The following KDM4D variants were observed in gnomAD, a reference collection of about 807,000 sequenced individuals.
The protein encoded by KDM4D is lysine demethylase 4D.
For synonymous variants in KDM4D, 254 were observed against 249.1 expected, an observed-to-expected ratio of 1.02 and a Z score of -0.19; for missense variants, 427 against 674.8, an observed-to-expected ratio of 0.63 and a Z score of 4.07.
intron 2 of KDM4D, among the ~76,000 whole-genome samples, chr11:94,978,792 CA>C (rs1453887256): frequency 6.6e-6 from 1 of 152,104 alleles, no homozygotes. Context: ...TGTTAGTTAG[CA>C]AAAGTATTCT....
intron 2 of KDM4D, among the ~76,000 whole-genome samples, chr11:94,986,689 G>A (rs1205182063): frequency 6.6e-6 from 1 of 152,196 alleles, no homozygotes; most frequent in Non-Finnish European, 1.5e-5. Flanking sequence ...TGATGTGGAT[G>A]TTGAGAAATT....
chr11:94,991,395 A>G (rs1857933327), intron 2 of KDM4D, among the ~76,000 whole-genome samples: 1 of 152,266 alleles, frequency 6.6e-6, no homozygotes, highest in Non-Finnish European at 1.5e-5. Context: ...ACAAAAGTCA[A>G]TTTCAAAGAA....
intron 2 of KDM4D, among the ~76,000 whole-genome samples, chr11:94,991,274 T>G (rs1465693481): frequency 1.3e-5 from 2 of 152,202 alleles, no homozygotes; most frequent in African/African-American, 4.8e-5. Context: ...ATCTGCCTTT[T>G]TTGTGCTGTA....
chr11:94,980,294 T>C (rs12786843), intron 2 of KDM4D, among the ~76,000 whole-genome samples: 5,422 of 152,276 alleles, frequency 0.036, 139 homozygotes, highest in Non-Finnish European at 0.052. Flanking sequence ...TTCATTTTTG[T>C]GCGTGGCATG....
rs1215245527 is a variant in KDM4D at position 94,997,687 on chromosome 11, A to G, written c.315A>G (p.Ala105=). The G allele has an allele frequency of 1.1e-5, 18 of 1,614,132 alleles. No individual in the cohort carries two copies. Among genetic ancestry groups the G allele is most frequent in the Admixed American group, 1.7e-5 (1 of 60,010 alleles). ...AMTVGEYRHL[A]NSKKYQTPPH... ...CTGTGGGGGAGTATCGCCATTTGGC[A>G]AACAGTAAAAAATATCAGACTCCAC... The change falls in exon 3 of 3, where the codon GCA becomes GCG. Residue 105 remains alanine (A), a synonymous_variant. Coordinates refer to ENST00000335080, the MANE Select transcript of KDM4D (RefSeq NM_018039.3).
At chr11:94,990,944 AT>A (rs587729440) in intron 2 of KDM4D, among the ~76,000 whole-genome samples, 1 of 152,206 alleles carries the variant, frequency 6.6e-6, no homozygotes, top group African/African-American at 2.4e-5. Context: ...ATTGAGCTTC[AT>A]TTTTTCTAGA....
intron 1 of KDM4D, among the ~76,000 whole-genome samples, chr11:94,975,124 A>G (rs1555096839): frequency 6.6e-6 from 1 of 152,136 alleles, no homozygotes. Context: ...GATTCCTTCT[A>G]TTTTAGGGCC....
intron 2 of KDM4D, among the ~76,000 whole-genome samples, chr11:94,976,289 A>T (rs1325050583): frequency 6.6e-6 from 1 of 151,944 alleles, no homozygotes; most frequent in Non-Finnish European, 1.5e-5. Flanking sequence ...AATTTCCCAC[A>T]TTCCCCTTTC....
At chr11:94,990,209 T>C (rs1555098509) in intron 2 of KDM4D, among the ~76,000 whole-genome samples, 2 of 152,230 alleles carry the variant, frequency 1.3e-5, no homozygotes, top group Non-Finnish European at 2.9e-5. Context: ...TGAAAGCTGC[T>C]TGTCAAGTAA....
chr11:94,991,333 G>A (rs1320129333), intron 2 of KDM4D, among the ~76,000 whole-genome samples: 2 of 151,902 alleles, frequency 1.3e-5, no homozygotes, highest in African/African-American at 4.8e-5. Context: ...TGTGAGGAAA[G>A]CCTTAAATAT....
At chr11:94,979,980 G>C (rs981566010) in intron 2 of KDM4D, among the ~76,000 whole-genome samples, 3 of 152,118 alleles carry the variant, frequency 2.0e-5, no homozygotes, top group Non-Finnish European at 4.4e-5. Context: ...CATGTTAATT[G>C]TCCATTTGGA....
intron 2 of KDM4D, among the ~76,000 whole-genome samples, chr11:94,982,460 T>G (rs1397678158): frequency 2.0e-5 from 3 of 151,026 alleles, no homozygotes; most frequent in African/African-American, 7.3e-5. Flanking sequence ...AAATCTTAGA[T>G]GAGTATAGAA....
At chr11:94,990,976 T>G (rs1857929935) in intron 2 of KDM4D, among the ~76,000 whole-genome samples, 1 of 152,208 alleles carries the variant, frequency 6.6e-6, no homozygotes, top group Admixed American at 6.5e-5. Context: ...AGGTGGCCTC[T>G]GGACTGGGAA....
At position 94,997,212 on chromosome 11, in the gene KDM4D, G is replaced by A. The variant is rs116860989; in HGVS notation, c.-161G>A. On this transcript the variant is annotated 5_prime_UTR_variant, in exon 3 of 3. Coordinates refer to ENST00000335080, the MANE Select transcript of KDM4D (RefSeq NM_018039.3). ...TGGAATCTCACTAGTGAATAAACAA[G>A]CCCAAGAAAGATTATCATCTCATTT... 7,934 of 521,454 alleles carry A rather than the reference G, an allele frequency of 0.015. 102 individuals are homozygous for A. Among genetic ancestry groups the A allele is most frequent in the Middle Eastern group, 0.041 (80 of 1,962 alleles). The allele number at this position is 521,454 out of a possible 1,614,324, so 32.3% of individuals were successfully genotyped here. A position where few individuals can be genotyped will look rare whatever the true frequency, so the allele number is the denominator to read the frequency against.
chr11:94,975,476 G>A (rs952527988), intron 1 of KDM4D, among the ~76,000 whole-genome samples, 178 bp from the exon 2 acceptor site: 6 of 151,976 alleles, frequency 3.9e-5, no homozygotes, highest in Admixed American at 2.6e-4. Context: ...GTTTCCTCAC[G>A]TGTAAAATGG....
At chr11:94,983,223 A>G (rs1156336154) in intron 2 of KDM4D, among the ~76,000 whole-genome samples, 1 of 152,028 alleles carries the variant, frequency 6.6e-6, no homozygotes, top group Non-Finnish European at 1.5e-5. Context: ...ATATGTGAGA[A>G]AAGGATTCCA....
At position 94,998,190 on chromosome 11, in the gene KDM4D, T is replaced by G; in HGVS notation, c.818T>G (p.Val273Gly). ...RITQEAGEFM[V>G]TFPYGYHAGF... ...ACTCAGGAGGCTGGAGAGTTCATGGTGACCTTTCCCTATGGCTACCATGCT... is the reference window on the plus strand; with the variant it reads ...ACTCAGGAGGCTGGAGAGTTCATGGGGACCTTTCCCTATGGCTACCATGCT... Residue 273 changes from valine to glycine, a missense_variant, in exon 3 of 3, where the codon GTG becomes GGG. Physicochemically the swap from Val to Gly is moderately radical, Grantham distance 109. Coordinates refer to ENST00000335080, the MANE Select transcript of KDM4D (RefSeq NM_018039.3). The surrounding 1 kb of genome is among the most constrained non-coding windows in gnomAD (Gnocchi z 6.7). 6.2e-7 allele frequency: 1 copy of G among 1,614,196 alleles called. No homozygotes were observed. Among genetic ancestry groups the G allele is most frequent in the Non-Finnish European group, 8.5e-7 (1 of 1,180,030 alleles).
At chr11:94,987,257 T>C (rs1276600932) in intron 2 of KDM4D, among the ~76,000 whole-genome samples, 6 of 152,206 alleles carry the variant, frequency 3.9e-5, no homozygotes, top group African/African-American at 1.4e-4. Context: ...ATTGTAAATA[T>C]ACAAAAAATC....
At chr11:94,983,554 A>G (rs1448591989) in intron 2 of KDM4D, among the ~76,000 whole-genome samples, 1 of 152,146 alleles carries the variant, frequency 6.6e-6, no homozygotes, top group Non-Finnish European at 1.5e-5. Flanking sequence ...ATAGACATAA[A>G]ATTATCCCAA....
Sources: gnomAD v4.1 joint callset for allele counts (sites outside exome capture counted in the v4.1 genomes callset) on GRCh38, gnomAD v4.1.1 for gene constraint, Gnocchi (gnomAD v3.1) non-coding constraint, MANE v1.5 for transcripts, NCBI Gene and HGNC (gene_info 2026-07-23, HGNC 2026-07-21) for gene names.